Variants in OXR1 observed in about 807,000 individuals in gnomAD.
OXR1 encodes oxidation resistance 1.
Under a neutral mutation model 104.6 loss-of-function variants are expected in OXR1, and 41 were observed. That is an observed-to-expected ratio of 0.39 (90% CI 0.31 to 0.51). The LOEUF is 0.51. Among genes scored for constraint, OXR1 ranks in the 20% least tolerant of loss-of-function variants. The probability of loss-of-function intolerance (pLI) is 0.77; values close to 1 mark genes in which losing one functional copy is unlikely to be tolerated. For missense variants in OXR1, 955 were observed against 1,031.9 expected, an observed-to-expected ratio of 0.93 and a Z score of 1.02; for synonymous variants, 348 against 348.4, an observed-to-expected ratio of 1.00 and a Z score of 0.01.
intron 3 of OXR1, among the ~76,000 whole-genome samples, chr8:106,632,467 ATGTC>A (rs1822769428): frequency 6.6e-6 from 1 of 152,216 alleles, no homozygotes; most frequent in African/African-American, 2.4e-5. Flanking sequence ...ATGCAATTAA[ATGTC>A]TGAAAATCAA....
rs1818080471 is a variant in OXR1 at position 106,579,380 on chromosome 8, G to A, written c.220+60241G>A. Among the ~76,000 whole-genome samples, 2 of 152,128 alleles carry A rather than the reference G, an allele frequency of 1.3e-5. 1 individual carries two copies. The highest frequency in any genetic ancestry group is 4.1e-4 in the South Asian group (2 of 4,826). ...TACCTGAGGCCCTGGATTAGCTCTG[G>A]CCTTGCTGCTTTCCAGGCCTGCTGA... On this transcript the variant is annotated intron_variant, in intron 3 of 16. Transcript: ENST00000517566.
At chr8:106,507,379 A>G (rs1795175613) in intron 2 of OXR1, among the ~76,000 whole-genome samples, 2 of 152,232 alleles carry the variant, frequency 1.3e-5, no homozygotes, top group South Asian at 4.1e-4. Flanking sequence ...TAAGAAGGCA[A>G]GTGTCGAATG....
In OXR1 at chr8:106,746,792, TG is replaced by T. The variant is rs536371883; in HGVS notation, c.2486+938del. 3.4e-3 allele frequency among the ~76,000 whole-genome samples: 510 copies of T among 151,862 alleles called. 1 individual carries two copies. Among genetic ancestry groups the T allele is most frequent in the Non-Finnish European group, 4.9e-3 (332 of 67,914 alleles). On this transcript the variant is annotated intron_variant, in intron 16 of 16. Transcript: ENST00000517566. ...ATTTACATGGTCCAATTATACCTTT[TG>T]GGGGGGGTATCATTCAGCCCTCCCC...
intron 2 of OXR1, among the ~76,000 whole-genome samples, chr8:106,439,500 T>G (rs1819702316): frequency 6.6e-6 from 1 of 152,118 alleles, no homozygotes; most frequent in Non-Finnish European, 1.5e-5. Context: ...TTTTTAAAAT[T>G]TAGTTCAATT....
In OXR1 at chr8:106,619,341, CAATT is replaced by C. The variant is rs371212288; in HGVS notation, c.221-59868_221-59865del. Among the ~76,000 whole-genome samples the C allele has an allele frequency of 2.7e-4, 41 of 152,166 alleles. No individual in the cohort carries two copies. In the East Asian group the frequency reaches 3.5e-3, roughly 13 times the overall value. On this transcript the variant is annotated intron_variant, in intron 3 of 16. Coordinates refer to ENST00000517566, the MANE Select transcript of OXR1 (RefSeq NM_001198533.2). ...AAAGCAATTATTTCATATCATAAGA[CAATT>C]TATTTATGAAATTCTCATTGCTGAA...
intron 11 of OXR1, among the ~76,000 whole-genome samples, chr8:106,724,124 T>G (rs1833108277): frequency 6.6e-6 from 1 of 152,202 alleles, no homozygotes; most frequent in Non-Finnish European, 1.5e-5. Context: ...TTATAGCTTC[T>G]ATCATACCAT....
chr8:106,661,322 A>G (rs1825744201), intron 3 of OXR1, among the ~76,000 whole-genome samples: 1 of 152,176 alleles, frequency 6.6e-6, no homozygotes, highest in Admixed American at 6.5e-5. Context: ...ACCAGCTTTT[A>G]GTGCTTGCTG....
intron 3 of OXR1, among the ~76,000 whole-genome samples, chr8:106,650,311 G>A (rs985488470): frequency 2.6e-5 from 4 of 152,144 alleles, no homozygotes; most frequent in African/African-American, 9.7e-5. Context: ...TTCCCATTAC[G>A]CTGCTAGTAA....
intron 2 of OXR1, among the ~76,000 whole-genome samples, chr8:106,396,656 A>T (rs1817795855): frequency 6.6e-6 from 1 of 152,042 alleles, no homozygotes; most frequent in Admixed American, 6.6e-5. Flanking sequence ...AAAACTGGTG[A>T]ATAATGTCTG....
At chr8:106,728,942 A>G (rs1297228887) in intron 11 of OXR1, among the ~76,000 whole-genome samples, 1 of 152,180 alleles carries the variant, frequency 6.6e-6, no homozygotes, top group Non-Finnish European at 1.5e-5. Flanking sequence ...AGGCTTTCAT[A>G]TATGAAAACA....
intron 2 of OXR1, among the ~76,000 whole-genome samples, chr8:106,512,434 A>G (rs1377267361): frequency 6.7e-6 from 1 of 150,342 alleles, no homozygotes; most frequent in East Asian, 1.9e-4. Flanking sequence ...TCTTAGGACT[A>G]TAATAAGTGG....
intron 2 of OXR1, among the ~76,000 whole-genome samples, chr8:106,377,814 G>A (rs766330898): frequency 9.2e-5 from 14 of 152,166 alleles, no homozygotes; most frequent in Non-Finnish European, 1.5e-4. Flanking sequence ...CCCTTAATCA[G>A]TTACATGATT....
At chr8:106,469,533 A>G (rs892706355) in intron 2 of OXR1, among the ~76,000 whole-genome samples, 2 of 151,860 alleles carry the variant, frequency 1.3e-5, no homozygotes, top group African/African-American at 4.8e-5. Flanking sequence ...CTATAGAAAT[A>G]TAAAGGAACA....
intron 7 of OXR1, 46 bp downstream of exon 7, chr8:106,692,923 A>T: frequency 7.4e-7 from 1 of 1,358,226 alleles, no homozygotes; most frequent in Non-Finnish European, 1.0e-6. Context: ...TGCTTTAGTT[A>T]TTACTAATGT....
At chr8:106,696,513 A>G (rs1259440099) in intron 7 of OXR1, among the ~76,000 whole-genome samples, 1 of 152,144 alleles carries the variant, frequency 6.6e-6, no homozygotes, top group Non-Finnish European at 1.5e-5. Context: ...GTATGGTAAG[A>G]CCATTGTTAG....
At chr8:106,525,093 G>A (rs73699545) in intron 3 of OXR1, among the ~76,000 whole-genome samples, 3,126 of 152,262 alleles carry the variant, frequency 0.021, 116 homozygotes, top group African/African-American at 0.07. Flanking sequence ...ACAGTTAAGT[G>A]CCAAATAACT....
intron 2 of OXR1, among the ~76,000 whole-genome samples, chr8:106,479,580 C>T (rs1821994328): frequency 6.6e-6 from 1 of 151,994 alleles, no homozygotes; most frequent in Non-Finnish European, 1.5e-5. Flanking sequence ...CCTGCCTGAC[C>T]ATCCACAGCA....
intron 3 of OXR1, among the ~76,000 whole-genome samples, chr8:106,647,137 G>A (rs1033387766): frequency 6.6e-6 from 1 of 152,138 alleles, no homozygotes; most frequent in African/African-American, 2.4e-5. Flanking sequence ...GTCCTTGTTT[G>A]GCTTGACTGC....
intron 2 of OXR1, among the ~76,000 whole-genome samples, chr8:106,399,287 A>G (rs953564704): frequency 6.6e-5 from 10 of 152,092 alleles, no homozygotes; most frequent in African/African-American, 2.4e-4. Flanking sequence ...AAAATACTCT[A>G]TTTTCTCAGT....
Sources: allele counts gnomAD v4.1 joint callset (sites outside exome capture counted in the v4.1 genomes callset), GRCh38; gene constraint gnomAD v4.1.1; transcripts MANE v1.5; gene names NCBI Gene and HGNC (gene_info 2026-07-23, HGNC 2026-07-21).